The following FAM217A variants were observed in gnomAD, a reference collection of about 807,000 sequenced individuals.
FAM217A encodes the protein family with sequence similarity 217 member A, also known as protein FAM217A.
A neutral mutation model predicts 18.5 loss-of-function variants in FAM217A; 13 were observed. The observed-to-expected ratio is 0.70, with a 90% confidence interval of 0.46 to 1.12. The LOEUF is 1.12. Among genes scored for constraint, FAM217A ranks in the 50% most tolerant of loss-of-function variants. The probability of loss-of-function intolerance (pLI) is 0.00; values close to 1 mark genes in which losing one functional copy is unlikely to be tolerated. For synonymous variants in FAM217A, 161 were observed against 202.8 expected, an observed-to-expected ratio of 0.79 and a Z score of 1.75; for missense variants, 560 against 575.4, an observed-to-expected ratio of 0.97 and a Z score of 0.27.
Position 4,074,586 on chromosome 6 carries a change from C to T in FAM217A, c.136G>A (p.Ala46Thr), listed in dbSNP as rs745605356. The change falls in exon 3 of 7, where the codon GCA becomes ACA. Residue 46 changes from alanine to threonine, a missense_variant. Transcript: ENST00000274673. ...ATCTAGGATTTCTTACCACCTGCTG[C>T]TCCATCCCTTCCAGCTGGGAGGTTT... Reference protein sequence around the residue: ...NKNLPAGRDGAAGGKINKNYL... With the variant: ...NKNLPAGRDGTAGGKINKNYL... 6.2e-7 allele frequency: 1 copy of T among 1,612,974 alleles called. No individual in the cohort carries two copies. Among genetic ancestry groups the T allele is most frequent in the South Asian group, 1.1e-5 (1 of 91,058 alleles).
upstream of FAM217A, among the ~76,000 whole-genome samples, chr6:4,083,289 G>A (rs1770422551): frequency 6.6e-6 from 1 of 152,164 alleles, no homozygotes; most frequent in African/African-American, 2.4e-5. Context: ...TGACTACCAC[G>A]TAACTACTTT....
In FAM217A at chr6:4,078,953, C is replaced by T. The variant is rs548145268; in HGVS notation, c.-136G>A. The T allele has an allele frequency of 1.8e-5, 10 of 545,268 alleles. 1 individual carries two copies. Among genetic ancestry groups the T allele is most frequent in the African/African-American group, 1.0e-4 (5 of 50,244 alleles). The allele number at this position is 545,268 out of a possible 1,614,324, so 33.8% of individuals were successfully genotyped here. A position where few individuals can be genotyped will look rare whatever the true frequency, so the allele number is the denominator to read the frequency against. ...TGGCTGACGGCTTGGAGGGCGCCCCCTCTGCCGCGGCCTTCCTGCAGCGGG... is the reference window on the plus strand; with the variant it reads ...TGGCTGACGGCTTGGAGGGCGCCCCTTCTGCCGCGGCCTTCCTGCAGCGGG... On this transcript the variant is annotated 5_prime_UTR_variant, in exon 1 of 7. Coordinates refer to ENST00000274673, the MANE Select transcript of FAM217A (RefSeq NM_173563.3).
At chr6:4,075,990 A>G (rs1201440206) in intron 2 of FAM217A, among the ~76,000 whole-genome samples, 1 of 152,148 alleles carries the variant, frequency 6.6e-6, no homozygotes. Context: ...AGCTTTTTAA[A>G]AATAATAGTT....
chr6:4,084,596 G>A (rs755509745), exon 2 of FAM217A: 4 of 702,844 alleles, frequency 5.7e-6, no homozygotes, highest in African/African-American at 1.7e-5. Context: ...GCCAGGAAAG[G>A]TGTAACTTGA....
At chr6:4,076,701 C>T (rs1289938282) in intron 2 of FAM217A, among the ~76,000 whole-genome samples, 1 of 152,008 alleles carries the variant, frequency 6.6e-6, no homozygotes, top group Non-Finnish European at 1.5e-5. Flanking sequence ...CAACATGTCG[C>T]TACTAAAAAT....
intron 6 of FAM217A, 63 bp from the exon 7 acceptor site, chr6:4,069,983 A>G: frequency 8.2e-7 from 1 of 1,222,950 alleles, no homozygotes; most frequent in Non-Finnish European, 1.1e-6. Context: ...TATTAAAATG[A>G]TACAGTTAAG....
At chr6:4,069,980 A>G in intron 6 of FAM217A, 60 bp from the exon 7 acceptor site, 2 of 1,241,376 alleles carry the variant, frequency 1.6e-6, no homozygotes, top group Non-Finnish European at 2.2e-6. Flanking sequence ...TGCTATTAAA[A>G]TGATACAGTT....
intron 6 of FAM217A, among the ~76,000 whole-genome samples, chr6:4,070,376 T>G (rs1336337592): frequency 6.6e-6 from 1 of 152,212 alleles, no homozygotes; most frequent in Admixed American, 6.5e-5. Flanking sequence ...TTAAAAAGCC[T>G]TCTATGTTAG....
At chr6:4,071,570 A>C (rs1356037049) in intron 6 of FAM217A, among the ~76,000 whole-genome samples, 1 of 152,170 alleles carries the variant, frequency 6.6e-6, no homozygotes, top group Non-Finnish European at 1.5e-5. Context: ...CCCAGGTCCT[A>C]ACCGCTGCAT....
At position 4,068,839 on chromosome 6, in the gene FAM217A, G is replaced by C. The variant is rs1472371948; in HGVS notation, c.1384C>G (p.Pro462Ala). 1 of 1,614,094 alleles carries C rather than the reference G, an allele frequency of 6.2e-7. No individual in the cohort carries two copies. The highest frequency in any genetic ancestry group is 1.1e-5 in the South Asian group (1 of 91,082). ...PENQKEEIKAPKRNFGTKKKL... is the reference protein window; with the variant it reads ...PENQKEEIKAAKRNFGTKKKL... ...TTTTTGGTCCCAAAGTTTCTCTTCG[G>C]TGCCTTAATTTCTTCCTTCTGATTT... Residue 462 changes from proline to alanine, a missense_variant, in exon 7 of 7, where the codon CCG (proline) becomes GCG (alanine). Physicochemically the swap from Pro to Ala is conservative, Grantham distance 27. Transcript: ENST00000274673.
At chr6:4,070,779 C>T (rs1251416339) in intron 6 of FAM217A, among the ~76,000 whole-genome samples, 45 of 152,210 alleles carry the variant, frequency 3.0e-4, no homozygotes, top group Non-Finnish European at 4.4e-5. Context: ...CCAAGGCAGG[C>T]GGGTTGCTTG....
intron 1 of FAM217A, among the ~76,000 whole-genome samples, 173 bp downstream of exon 1, chr6:4,078,679 G>A (rs1322600556): frequency 6.6e-6 from 1 of 152,222 alleles, no homozygotes; most frequent in Non-Finnish European, 1.5e-5. Context: ...TGGGGGACAG[G>A]AGCTTTAGGG....
At chr6:4,082,843 T>TC (rs1332253875), upstream of FAM217A, among the ~76,000 whole-genome samples, 2 of 152,268 alleles carry the variant, frequency 1.3e-5, no homozygotes, top group Non-Finnish European at 2.9e-5. Flanking sequence ...GTATGCCTTT[T>TC]CCCCAATTAC....
At chr6:4,077,251 T>C (rs1326536713) in intron 2 of FAM217A, 104 bp downstream of exon 2, 1 of 1,115,348 alleles carries the variant, frequency 9.0e-7, no homozygotes, top group Non-Finnish European at 1.3e-6. Context: ...CTGCCCACGA[T>C]GCAAACGCAG....
At position 4,068,391 on chromosome 6, in the gene FAM217A, A is replaced by C; in HGVS notation, c.*305T>G. Reference sequence around the variant, plus strand: ...GTCAATTATACCATTTATTGATGGAATTATACTGGAAAACAATCACTGAAA... The same window carrying C: ...GTCAATTATACCATTTATTGATGGACTTATACTGGAAAACAATCACTGAAA... On this transcript the variant is annotated 3_prime_UTR_variant, in exon 7 of 7. Coordinates refer to ENST00000274673, the MANE Select transcript of FAM217A (RefSeq NM_173563.3). 4.2e-6 allele frequency: 1 copy of C among 237,438 alleles called. No individual in the cohort carries two copies. 14.7% of individuals were successfully genotyped at this position (237,438 alleles called of 1,614,324 possible). A position where few individuals can be genotyped will look rare whatever the true frequency, so the allele number is the denominator to read the frequency against.
chr6:4,079,921 T>A (rs1770165044), upstream of FAM217A, among the ~76,000 whole-genome samples: 1 of 152,078 alleles, frequency 6.6e-6, no homozygotes, highest in Non-Finnish European at 1.5e-5. Flanking sequence ...CCGAAATGCA[T>A]ATCTCCTATT....
At chr6:4,070,719 T>C (rs1182065818) in intron 6 of FAM217A, among the ~76,000 whole-genome samples, 1 of 152,218 alleles carries the variant, frequency 6.6e-6, no homozygotes, top group South Asian at 2.1e-4. Flanking sequence ...AAAAATACTT[T>C]CGAGGCCAGG....
exon 2 of FAM217A, chr6:4,084,733 T>A (rs13191391): frequency 0.035 from 24,941 of 703,036 alleles, 602 homozygotes; most frequent in Non-Finnish European, 0.044. Context: ...ACACCTTGCC[T>A]TCTGGAAGCC....
upstream of FAM217A, chr6:4,079,435 G>A (rs1402569722): frequency 2.9e-6 from 1 of 340,226 alleles, no homozygotes; most frequent in Non-Finnish European, 5.7e-6. Context: ...TGAGCCTCCC[G>A]GGCCTTCTCG....
Sources: gnomAD v4.1 joint callset for allele counts (sites outside exome capture counted in the v4.1 genomes callset) on GRCh38, gnomAD v4.1.1 for gene constraint, MANE v1.5 for transcripts, NCBI Gene and HGNC (gene_info 2026-07-23, HGNC 2026-07-21) for gene names.